The following NAALADL2 variants were observed in gnomAD, a reference collection of about 807,000 sequenced individuals.
NAALADL2 encodes the protein N-acetylated alpha-linked acidic dipeptidase like 2, also known as inactive N-acetylated-alpha-linked acidic dipeptidase-like protein 2.
NAALADL2 carries 76 observed loss-of-function variants against 87.2 expected under a neutral mutation model. That is an observed-to-expected ratio of 0.87 (90% CI 0.72 to 1.05). NAALADL2 has a LOEUF of 1.05. NAALADL2 is among the 50% of genes least tolerant of loss of function. NAALADL2 has a pLI of 0.00. For synonymous variants in NAALADL2, 354 were observed against 331.0 expected (o/e 1.07, Z -0.75); for missense variants, 1,089 against 945.8 (o/e 1.15, Z -1.99).
At chr3:174,952,117 A>G (rs1309608420) in intron 1 of NAALADL2, among the ~76,000 whole-genome samples, 5 of 152,166 alleles carry the variant, frequency 3.3e-5, no homozygotes, top group Admixed American at 3.3e-4. Context: ...CTTTGGTACA[A>G]CTAAATCTCC....
intron 1 of NAALADL2, among the ~76,000 whole-genome samples, chr3:174,951,541 T>C (rs1740346257): frequency 6.6e-6 from 1 of 152,102 alleles, no homozygotes. Context: ...CTCTAAATCT[T>C]TTTAATTTTA....
At chr3:175,013,136 A>ATG (rs1750217964) in intron 1 of NAALADL2, among the ~76,000 whole-genome samples, 1 of 101,452 alleles carries the variant, frequency 9.9e-6, no homozygotes, top group Non-Finnish European at 2.1e-5. Flanking sequence ...ATTTATATAT[A>ATG]AATATGTAAT....
At chr3:175,435,040 G>T (rs1718390236) in intron 5 of NAALADL2, among the ~76,000 whole-genome samples, 1 of 151,988 alleles carries the variant, frequency 6.6e-6, no homozygotes, top group African/African-American at 2.4e-5. Flanking sequence ...ATTATGTGGA[G>T]TAGGGAATTA....
intron 2 of NAALADL2, among the ~76,000 whole-genome samples, chr3:174,631,433 A>G (rs1722101268): frequency 6.6e-6 from 1 of 152,174 alleles, no homozygotes; most frequent in Non-Finnish European, 1.5e-5. Context: ...TCTGAACCTA[A>G]TCATCTCTTT....
chr3:175,064,476 C>T lies in NAALADL2; in HGVS notation c.44-32314C>T, dbSNP rs148913581. Among the ~76,000 whole-genome samples the T allele has an allele frequency of 4.6e-4, 70 of 152,022 alleles. 1 individual carries two copies. In the East Asian group the frequency reaches 0.011, roughly 25 times the overall value. ...AGGGCTGGCATCCAGGGCGCCTTAACTGCCCTCTCCCTAAAGGGCAGGGGG... is the reference window on the plus strand; with the variant it reads ...AGGGCTGGCATCCAGGGCGCCTTAATTGCCCTCTCCCTAAAGGGCAGGGGG... On this transcript the variant is annotated intron_variant, in intron 1 of 13. Coordinates refer to ENST00000454872, the MANE Select transcript of NAALADL2 (RefSeq NM_207015.3).
At chr3:174,937,060 A>G (rs1002305413) in intron 1 of NAALADL2, among the ~76,000 whole-genome samples, 6 of 152,134 alleles carry the variant, frequency 3.9e-5, no homozygotes, top group Non-Finnish European at 8.8e-5. Flanking sequence ...TTTAAAATAA[A>G]ACATATAAAC....
Position 174,550,423 on chromosome 3 carries a change from A to G in NAALADL2, c.-183-146A>G, listed in dbSNP as rs182031201. On this transcript the variant is annotated intron_variant, in intron 1 of 3. Transcript: ENST00000434257. ...CTTAATTACTAATTACAGTGATTTT[A>G]ACATAGTTAAAAGATTCTGCAACAT... 72 of 152,160 alleles carry G rather than the reference A, an allele frequency of 4.7e-4. 1 individual carries two copies. The highest frequency in any genetic ancestry group is 2.4e-3 in the Admixed American group (36 of 15,284). 9.4% of individuals were successfully genotyped at this position (152,160 alleles called of 1,614,324 possible). A position where few individuals can be genotyped will look rare whatever the true frequency, so the allele number is the denominator to read the frequency against.
At chr3:175,493,719 G>C (rs16825843) in intron 9 of NAALADL2, among the ~76,000 whole-genome samples, 10,664 of 152,080 alleles carry the variant, frequency 0.07, 440 homozygotes, top group South Asian at 0.15. Context: ...AATAGTCACC[G>C]GTATAACAAA....
intron 1 of NAALADL2, among the ~76,000 whole-genome samples, chr3:174,865,107 C>G (rs144598759): frequency 6.6e-6 from 1 of 152,028 alleles, no homozygotes; most frequent in Admixed American, 6.6e-5. Flanking sequence ...TTCATAAATG[C>G]TTTCTGTAAT....
chr3:175,669,546 T>G (rs1733653890), intron 11 of NAALADL2, among the ~76,000 whole-genome samples: 1 of 152,092 alleles, frequency 6.6e-6, no homozygotes, highest in Non-Finnish European at 1.5e-5. Flanking sequence ...TTCAGTAAAT[T>G]TGAGTTTTAT....
intron 1 of NAALADL2, among the ~76,000 whole-genome samples, chr3:175,046,438 A>G (rs4261887): frequency 0.2 from 29,727 of 152,078 alleles, 3,184 homozygotes; most frequent in East Asian, 0.38. Flanking sequence ...ATTGTTGTCC[A>G]TATTTCCAAG....
At chr3:174,902,029 C>T (rs935112659) in intron 1 of NAALADL2, among the ~76,000 whole-genome samples, 1 of 152,040 alleles carries the variant, frequency 6.6e-6, no homozygotes, top group Non-Finnish European at 1.5e-5. Flanking sequence ...AATATATACA[C>T]GACTTACGTG....
chr3:175,183,727 T>C (rs1424354745), intron 2 of NAALADL2, among the ~76,000 whole-genome samples: 1 of 152,024 alleles, frequency 6.6e-6, no homozygotes, highest in Non-Finnish European at 1.5e-5. Flanking sequence ...TAGAATTCAG[T>C]TTGTTAGGAT....
rs372509660 is a variant in NAALADL2, at chr3:174,975,552, G to A, written c.43+116102G>A. Among the ~76,000 whole-genome samples, 8 of 151,836 alleles carry A rather than the reference G, an allele frequency of 5.3e-5. No individual in the cohort carries two copies. In the East Asian group the frequency reaches 5.8e-4, roughly 11 times the overall value. On this transcript the variant is annotated intron_variant, in intron 1 of 13. Transcript: ENST00000454872. ...ACCAACCTAAAATAATAACCCCGCC[G>A]CCCCCCCACCTACCTTGAGTGTGGG... is the stretch of plus-strand genomic sequence containing the variant.
chr3:174,446,902 G>T (rs1398312208), intron 1 of NAALADL2, among the ~76,000 whole-genome samples: 1 of 152,096 alleles, frequency 6.6e-6, no homozygotes, highest in Non-Finnish European at 1.5e-5. Flanking sequence ...GGGATCTGAT[G>T]AGAAGATGAA....
chr3:174,526,409 T>C (rs1297190586), intron 1 of NAALADL2, among the ~76,000 whole-genome samples: 1 of 152,204 alleles, frequency 6.6e-6, no homozygotes, highest in Non-Finnish European at 1.5e-5. Flanking sequence ...TTTCTCATCA[T>C]GGTATAATGA....
At chr3:175,111,171 G>A (rs1342293637) in intron 2 of NAALADL2, among the ~76,000 whole-genome samples, 2 of 151,808 alleles carry the variant, frequency 1.3e-5, no homozygotes, top group Non-Finnish European at 1.5e-5. Flanking sequence ...CGGGGAAGAA[G>A]ATGATTCTTT....
chr3:174,659,738 G>C (rs1188600034), intron 2 of NAALADL2, among the ~76,000 whole-genome samples: 1 of 152,130 alleles, frequency 6.6e-6, no homozygotes, highest in Non-Finnish European at 1.5e-5. Flanking sequence ...GGCTATGTCT[G>C]ATAAATGGCA....
intron 9 of NAALADL2, among the ~76,000 whole-genome samples, chr3:175,534,170 C>A (rs1734481541): frequency 1.3e-5 from 2 of 151,066 alleles, no homozygotes; most frequent in Non-Finnish European, 2.9e-5. Context: ...TCAAAACCAA[C>A]AAAATAACTC....
Sources: gnomAD v4.1 joint callset for allele counts (sites outside exome capture counted in the v4.1 genomes callset) on GRCh38, gnomAD v4.1.1 for gene constraint, MANE v1.5 for transcripts, NCBI Gene and HGNC (gene_info 2026-07-23, HGNC 2026-07-21) for gene names.